Variants in LRFN2 observed in about 807,000 individuals in gnomAD.
LRFN2 encodes the protein leucine-rich repeat and fibronectin type-III domain-containing protein 2.
A neutral mutation model predicts 37.3 loss-of-function variants in LRFN2; 18 were observed. The ratio of observed to expected loss-of-function variants is 0.48; its 90% confidence interval spans 0.33 to 0.72. The LOEUF is 0.72. LRFN2 is among the 30% of genes least tolerant of loss of function. LRFN2 has a pLI of 0.02. For missense variants in LRFN2, 1,006 were observed against 1,060.7 expected, an observed-to-expected ratio of 0.95 and a Z score of 0.72; for synonymous variants, 556 against 466.6, an observed-to-expected ratio of 1.19 and a Z score of -2.47.
chr6:40,496,747 G>C (rs1765236988), intron 1 of LRFN2, among the ~76,000 whole-genome samples: 1 of 152,004 alleles, frequency 6.6e-6, no homozygotes, highest in Non-Finnish European at 1.5e-5. Flanking sequence ...ATTGGTTTGT[G>C]TGTTATCCTC....
chr6:40,559,270 C>T lies in LRFN2; in HGVS notation c.-19+27671G>A, dbSNP rs781047124. Among the ~76,000 whole-genome samples, 3 of 152,288 alleles carry T rather than the reference C, an allele frequency of 2.0e-5. No individual in the cohort carries two copies. In the South Asian group the frequency reaches 6.2e-4, roughly 32 times the overall value. The stretch of plus-strand genomic sequence containing the variant: ...CCGGCAGTGAGCCTTCCTGATGACG[C>T]TGTAAATCAGGGCCCCTAAGTAAAG... On this transcript the variant is annotated intron_variant, in intron 1 of 2. Transcript: ENST00000338305.
intron 2 of LRFN2, among the ~76,000 whole-genome samples, chr6:40,413,329 C>T (rs370106227): frequency 2.6e-5 from 4 of 152,238 alleles, no homozygotes; most frequent in Admixed American, 2.6e-4. Context: ...AATCCCGTGA[C>T]TGTCCGAGAT....
intron 1 of LRFN2, among the ~76,000 whole-genome samples, chr6:40,548,235 T>C (rs1043545688): frequency 2.0e-5 from 3 of 151,948 alleles, no homozygotes; most frequent in Non-Finnish European, 2.9e-5. Context: ...AGGTCAGGAG[T>C]TCGAGACCAG....
rs530220472 is a variant in LRFN2 at position 40,507,955 on chromosome 6, A to T, written c.-18-74824T>A. Among the ~76,000 whole-genome samples the T allele has an allele frequency of 3.3e-5, 5 of 152,308 alleles. No homozygotes were observed. In the South Asian group the frequency reaches 8.3e-4, roughly 25 times the overall value. On this transcript the variant is annotated intron_variant, in intron 1 of 2. Coordinates refer to ENST00000338305, the MANE Select transcript of LRFN2 (RefSeq NM_020737.3). ...TTGTATGCATGTCATAGCTGTCCTCAAGGTGGGAGCCTCTGCCCCAGTGGA... is the reference window on the plus strand; with the variant it reads ...TTGTATGCATGTCATAGCTGTCCTCTAGGTGGGAGCCTCTGCCCCAGTGGA...
At chr6:40,493,032 A>G (rs777868619) in intron 1 of LRFN2, among the ~76,000 whole-genome samples, 3 of 152,050 alleles carry the variant, frequency 2.0e-5, no homozygotes, top group Non-Finnish European at 4.4e-5. Context: ...ACAGGAGCTC[A>G]TTTGGACAGG....
intron 1 of LRFN2, among the ~76,000 whole-genome samples, chr6:40,483,791 A>G (rs1764887127): frequency 6.6e-6 from 1 of 152,186 alleles, no homozygotes; most frequent in Non-Finnish European, 1.5e-5. Flanking sequence ...CTCAGGTCTC[A>G]GTTAGGCTTT....
intron 1 of LRFN2, among the ~76,000 whole-genome samples, chr6:40,478,648 G>C (rs777215832): frequency 6.6e-6 from 1 of 152,184 alleles, no homozygotes; most frequent in South Asian, 2.1e-4. Flanking sequence ...AGTACCCCAG[G>C]GTTGGTCAGT....
chr6:40,560,423 T>C (rs1246086412), intron 1 of LRFN2, among the ~76,000 whole-genome samples: 1 of 152,164 alleles, frequency 6.6e-6, no homozygotes, highest in African/African-American at 2.4e-5. Flanking sequence ...TCAGAAATGA[T>C]GGACCGCACC....
chr6:40,474,941 C>T (rs1003817047), intron 1 of LRFN2, among the ~76,000 whole-genome samples: 10 of 152,160 alleles, frequency 6.6e-5, no homozygotes, highest in Non-Finnish European at 1.0e-4. Context: ...GCTAGAAAAC[C>T]CTGTGCTTTT....
At chr6:40,502,542 C>T (rs1311770921) in intron 1 of LRFN2, 2 of 152,244 alleles carry the variant, frequency 1.3e-5, no homozygotes, top group Non-Finnish European at 2.9e-5. Flanking sequence ...AGGGCACTAG[C>T]TCCTGACTCC....
chr6:40,451,426 G>C (rs757695537), intron 1 of LRFN2, among the ~76,000 whole-genome samples: 1 of 152,156 alleles, frequency 6.6e-6, no homozygotes, highest in Non-Finnish European at 1.5e-5. Context: ...CATCTGGAGA[G>C]ACCCTAAAGC....
At chr6:40,425,247 C>T (rs1763325073) in intron 2 of LRFN2, among the ~76,000 whole-genome samples, 1 of 152,132 alleles carries the variant, frequency 6.6e-6, no homozygotes, top group African/African-American at 2.4e-5. Context: ...CTCCTTATAG[C>T]CCCTCACTTT....
chr6:40,461,368 A>G (rs1378292388), intron 1 of LRFN2, among the ~76,000 whole-genome samples: 1 of 152,184 alleles, frequency 6.6e-6, no homozygotes, highest in Non-Finnish European at 1.5e-5. Context: ...TGATCACACC[A>G]TTGCACTCCA....
At chr6:40,494,059 T>A (rs995401380) in intron 1 of LRFN2, among the ~76,000 whole-genome samples, 48 of 152,226 alleles carry the variant, frequency 3.2e-4, no homozygotes, top group African/African-American at 9.4e-4. Flanking sequence ...AATGTCTTGG[T>A]CAGTCCTATG....
chr6:40,411,566 C>T (rs995950223), intron 2 of LRFN2, among the ~76,000 whole-genome samples: 1 of 152,160 alleles, frequency 6.6e-6, no homozygotes, highest in South Asian at 2.1e-4. Flanking sequence ...CCCCATCTCG[C>T]CCACCCTGCC....
At chr6:40,517,261 T>A (rs1310058131) in intron 1 of LRFN2, 2 of 152,096 alleles carry the variant, frequency 1.3e-5, no homozygotes, top group Non-Finnish European at 2.9e-5. Context: ...CTGTACCAAG[T>A]AGAAGGAACA....
intron 1 of LRFN2, among the ~76,000 whole-genome samples, chr6:40,467,754 G>C (rs1246899326): frequency 6.6e-6 from 1 of 152,144 alleles, no homozygotes; most frequent in Admixed American, 6.5e-5. Context: ...TCTGATGGAG[G>C]AGATATAGCC....
At chr6:40,431,620 G>A in intron 2 of LRFN2, 94 bp downstream of exon 2, 1 of 1,089,900 alleles carries the variant, frequency 9.2e-7, no homozygotes, top group Non-Finnish European at 1.3e-6. Flanking sequence ...TTGGGGAAGA[G>A]GGGTATAGGT....
intron 1 of LRFN2, among the ~76,000 whole-genome samples, chr6:40,457,151 C>G (rs753646951): frequency 5.3e-5 from 8 of 152,008 alleles, no homozygotes; most frequent in Non-Finnish European, 1.2e-4. Flanking sequence ...ATATCATCAC[C>G]ATATGGAGGT....
Sources: allele counts gnomAD v4.1 joint callset (sites outside exome capture counted in the v4.1 genomes callset), GRCh38; gene constraint gnomAD v4.1.1; transcripts MANE v1.5; gene names NCBI Gene and HGNC (gene_info 2026-07-23, HGNC 2026-07-21).